Variants in APELA observed in about 807,000 individuals in gnomAD.
The protein encoded by APELA is apelin receptor early endogenous ligand, also known as protein Elabela.
At chr4:164,897,806 C>CT (rs1236621429), downstream of APELA, among the ~76,000 whole-genome samples, 3 of 152,180 alleles carry the variant, frequency 2.0e-5, no homozygotes, top group Non-Finnish European at 4.4e-5. Context: ...ATACAGCTAT[C>CT]TTTTATTCAC....
At chr4:164,898,227 C>A (rs1006143316), downstream of APELA, among the ~76,000 whole-genome samples, 1 of 150,088 alleles carries the variant, frequency 6.7e-6, no homozygotes, top group East Asian at 2.1e-4. Flanking sequence ...TGTGGCCGGG[C>A]GTGGTGGCTC....
chr4:164,884,932 T>C (rs1025258364), intron 2 of APELA, among the ~76,000 whole-genome samples: 11 of 152,202 alleles, frequency 7.2e-5, no homozygotes, highest in African/African-American at 2.7e-4. Flanking sequence ...ACAATAGATA[T>C]ACCCACTTTT....
At chr4:164,882,958 T>A (rs769461496) in intron 2 of APELA, among the ~76,000 whole-genome samples, 2 of 152,196 alleles carry the variant, frequency 1.3e-5, no homozygotes, top group Non-Finnish European at 2.9e-5. Context: ...TTCCATGGTG[T>A]TAATACATTA....
chr4:164,882,870 G>A (rs1579107691), intron 2 of APELA, among the ~76,000 whole-genome samples: 1 of 152,018 alleles, frequency 6.6e-6, no homozygotes, highest in East Asian at 1.9e-4. Flanking sequence ...GCGATAGTTT[G>A]CTGAGAATGA....
At chr4:164,888,257 A>G (rs1401329736) in intron 2 of APELA, among the ~76,000 whole-genome samples, 1 of 152,238 alleles carries the variant, frequency 6.6e-6, no homozygotes, top group African/African-American at 2.4e-5. Context: ...TTACATAGCA[A>G]GGGAGTCAGC....
At chr4:164,882,038 A>T (rs1176462742) in intron 2 of APELA, among the ~76,000 whole-genome samples, 1 of 151,906 alleles carries the variant, frequency 6.6e-6, no homozygotes, top group Non-Finnish European at 1.5e-5. Context: ...AACATTACTT[A>T]CTTAATATGT....
intron 2 of APELA, among the ~76,000 whole-genome samples, chr4:164,894,230 C>A (rs1730931134): frequency 6.6e-6 from 1 of 152,174 alleles, no homozygotes; most frequent in Admixed American, 6.5e-5. Context: ...GAGGCTGAGG[C>A]AGGAGAATCA....
At chr4:164,893,299 A>G (rs1407770301) in intron 2 of APELA, among the ~76,000 whole-genome samples, 1 of 152,156 alleles carries the variant, frequency 6.6e-6, no homozygotes, top group African/African-American at 2.4e-5. Flanking sequence ...ATTGTCAGTC[A>G]TCTCAAAATA....
At chr4:164,893,848 G>A (rs957194300) in intron 2 of APELA, among the ~76,000 whole-genome samples, 1 of 151,334 alleles carries the variant, frequency 6.6e-6, no homozygotes, top group African/African-American at 2.4e-5. Context: ...TTGAACTTAC[G>A]CAATTTTATT....
intron 2 of APELA, 51 bp downstream of exon 2, chr4:164,879,060 A>G (rs950237031): frequency 2.5e-6 from 1 of 398,732 alleles, no homozygotes; most frequent in African/African-American, 2.1e-5. Flanking sequence ...GTTCCAAATT[A>G]GATATACCAG....
chr4:164,887,337 T>C (rs893149190), intron 2 of APELA, among the ~76,000 whole-genome samples: 5 of 152,080 alleles, frequency 3.3e-5, no homozygotes, highest in African/African-American at 9.7e-5. Flanking sequence ...ATCCTTCATA[T>C]GTGCTGTGGG....
intron 2 of APELA, among the ~76,000 whole-genome samples, chr4:164,889,127 C>T (rs1300185300): frequency 6.6e-6 from 1 of 151,970 alleles, no homozygotes; most frequent in African/African-American, 2.4e-5. Flanking sequence ...CCTCAGCCCC[C>T]CAATAACTTC....
At chr4:164,898,871 A>G (rs1313996937), downstream of APELA, 2 of 152,208 alleles carry the variant, frequency 1.3e-5, no homozygotes, top group Non-Finnish European at 2.9e-5. Flanking sequence ...AGAACGAGTG[A>G]GCACAAAACT....
intron 2 of APELA, among the ~76,000 whole-genome samples, chr4:164,886,319 T>A (rs1229094680): frequency 6.6e-6 from 1 of 152,176 alleles, no homozygotes; most frequent in Non-Finnish European, 1.5e-5. Flanking sequence ...AAATCCCTAA[T>A]GTCCCTAATT....
rs554221160 is a variant in APELA, at chr4:164,896,052, G to C, written c.*638G>C. 1 of 152,292 alleles carries C rather than the reference G, an allele frequency of 6.6e-6. No homozygotes were observed. The highest frequency in any genetic ancestry group is 1.5e-5 in the Non-Finnish European group (1 of 68,024). The allele number at this position is 152,292 out of a possible 1,614,324, so 9.4% of individuals were successfully genotyped here. On this transcript the variant is annotated 3_prime_UTR_variant, in exon 3 of 3. Coordinates refer to ENST00000507152, the MANE Select transcript of APELA (RefSeq NM_001297550.2). ...TCCATTTGAAGTTGAAAGAAAACAT[G>C]AAATCCTAATTGTAGTTCATTTTAT...
chr4:164,884,121 G>GAAAGAGAAAGAAAGAAAGAA (rs5863729), intron 2 of APELA, among the ~76,000 whole-genome samples: 1 of 113,290 alleles, frequency 8.8e-6, no homozygotes, highest in African/African-American at 3.7e-5. Context: ...AAGAAAGAAA[G>GAAAGAGAAAGAAAGAAAGAA]AGAAAGAAAG....
chr4:164,891,596 T>G (rs1019453292), intron 2 of APELA, among the ~76,000 whole-genome samples: 2 of 152,190 alleles, frequency 1.3e-5, no homozygotes, highest in Admixed American at 1.3e-4. Context: ...AATTGTCCAT[T>G]GCTAATGTAT....
intron 2 of APELA, among the ~76,000 whole-genome samples, chr4:164,883,832 T>C (rs1164243912): frequency 6.6e-6 from 1 of 150,574 alleles, no homozygotes; most frequent in Non-Finnish European, 1.5e-5. Context: ...GTAATCTCCC[T>C]ACACCTCAAG....
rs1169543622 is a variant in APELA at position 164,887,753 on chromosome 4, A to AGG, written c.*2-7663_*2-7662insGG. On this transcript the variant is annotated intron_variant, in intron 2 of 2. Coordinates refer to ENST00000507152, the MANE Select transcript of APELA (RefSeq NM_001297550.2). ...CAGCCTCCTGAGTAGCTGGGATTAC[A>AGG]AGCATGCGCCACCATGCCCAGCTAA... is the stretch of plus-strand genomic sequence containing the variant. Among the ~76,000 whole-genome samples the AGG allele has an allele frequency of 2.0e-5, 3 of 151,954 alleles. No homozygotes were observed. In the East Asian group the frequency reaches 5.8e-4, roughly 29 times the overall value.
Sources: gnomAD v4.1 joint callset for allele counts (sites outside exome capture counted in the v4.1 genomes callset) on GRCh38, gnomAD v4.1.1 for gene constraint, MANE v1.5 for transcripts, NCBI Gene and HGNC (gene_info 2026-07-23, HGNC 2026-07-21) for gene names.